Variants in RP1 observed in about 807,000 individuals in gnomAD.
RP1 encodes the protein RP1 axonemal microtubule associated, also known as oxygen-regulated protein 1.
Under a neutral mutation model 14.8 loss-of-function variants are expected in RP1, and 16 were observed. The ratio of observed to expected loss-of-function variants is 1.08; its 90% CI spans 0.73 to 1.65. RP1 has a LOEUF of 1.65. RP1 is among the 40% of genes most tolerant of loss of function. The pLI, the probability that RP1 is intolerant of heterozygous loss-of-function variation, is 0.00. For missense variants in RP1, 2,631 were observed against 2,535.0 expected (o/e 1.04, Z -0.81); for synonymous variants, 876 against 883.6 (o/e 0.99, Z 0.15).
chr8:54,669,471 A>G (rs2375538), intron 7 of RP1, among the ~76,000 whole-genome samples: 33,518 of 152,178 alleles, frequency 0.22, 4,275 homozygotes, highest in East Asian at 0.42. Flanking sequence ...CAGTGTGGCG[A>G]TTCCTCAAGG....
chr8:54,636,632 G>A (rs1806351647), intron 3 of RP1, among the ~76,000 whole-genome samples: 1 of 152,102 alleles, frequency 6.6e-6, no homozygotes, highest in Admixed American at 6.5e-5. Flanking sequence ...TAGCTACTCG[G>A]GAGGCTGAGG....
chr8:54,814,995 C>T (rs545880175), intron 24 of RP1, among the ~76,000 whole-genome samples: 3 of 152,158 alleles, frequency 2.0e-5, no homozygotes, highest in Non-Finnish European at 2.9e-5. Context: ...GGTGACAAAG[C>T]GAGACTCCGT....
intron 24 of RP1, among the ~76,000 whole-genome samples, chr8:54,809,337 G>T (rs1810933581): frequency 6.6e-6 from 1 of 152,156 alleles, no homozygotes; most frequent in Admixed American, 6.5e-5. Flanking sequence ...GTTGGTATCT[G>T]TGGGAGTTAT....
chr8:54,658,072 A>G (rs1469309657), intron 6 of RP1, among the ~76,000 whole-genome samples: 1 of 151,988 alleles, frequency 6.6e-6, no homozygotes, highest in Non-Finnish European at 1.5e-5. Context: ...ATTCCCCCCA[A>G]TCCCCATCCT....
At chr8:54,613,993 C>T (rs446102), upstream of RP1, among the ~76,000 whole-genome samples, 56,058 of 152,060 alleles carry the variant, frequency 0.37, 11,612 homozygotes, top group East Asian at 0.64. Context: ...TGTCCATTTA[C>T]TGAACACTTG....
chr8:54,679,366 T>C, intron 9 of RP1: 1 of 1,426,296 alleles, frequency 7.0e-7, no homozygotes, highest in Non-Finnish European at 9.5e-7. Flanking sequence ...TAATTGCCAA[T>C]GGTTAATGTA....
chr8:54,718,496 A>C (rs1185421928), intron 15 of RP1, among the ~76,000 whole-genome samples: 1 of 152,236 alleles, frequency 6.6e-6, no homozygotes, highest in African/African-American at 2.4e-5. Context: ...ATGGTACTGG[A>C]ACAATTGGAT....
At chr8:54,720,849 T>C (rs1488109502) in intron 16 of RP1, among the ~76,000 whole-genome samples, 1 of 152,196 alleles carries the variant, frequency 6.6e-6, no homozygotes, top group Non-Finnish European at 1.5e-5. Flanking sequence ...TATGAGGACA[T>C]TATTTAAACA....
In RP1 at chr8:54,627,867, A is replaced by G. The variant is rs1806116014; in HGVS notation, c.3985A>G (p.Ile1329Val). 2.5e-6 allele frequency: 4 copies of G among 1,614,154 alleles called. No individual in the cohort carries two copies. Among genetic ancestry groups the G allele is most frequent in the South Asian group, 2.2e-5 (2 of 91,088 alleles). Residue 1329 changes from isoleucine (I) to valine (V), a missense_variant, in exon 4 of 4, where the codon ATT becomes GTT. Ile to Val is a conservative substitution (Grantham distance 29). Transcript: ENST00000220676. Reference sequence around the variant, plus strand: ...CCATACCTATGAGGGAGCTTGCCCAATTGATGAGACCTACGTTCCTGTCAA... The same window carrying G: ...CCATACCTATGAGGGAGCTTGCCCAGTTGATGAGACCTACGTTCCTGTCAA... ...ENHTYEGACPIDETYVPVNVC... is the reference protein window; with the variant it reads ...ENHTYEGACPVDETYVPVNVC...
intron 24 of RP1, among the ~76,000 whole-genome samples, chr8:54,829,573 A>C (rs1018501910): frequency 7.9e-5 from 12 of 152,178 alleles, no homozygotes; most frequent in African/African-American, 2.4e-4. Context: ...GGAATTACAT[A>C]ATCAGGGTTC....
intron 27 of RP1, among the ~76,000 whole-genome samples, chr8:54,864,197 AGGT>A (rs980794203): frequency 6.6e-6 from 1 of 152,190 alleles, no homozygotes; most frequent in African/African-American, 2.4e-5. Context: ...TGGATGAGGA[AGGT>A]GGTGGTGACA....
intron 17 of RP1, among the ~76,000 whole-genome samples, chr8:54,734,027 T>C (rs570778946): frequency 6.6e-6 from 1 of 152,302 alleles, no homozygotes; most frequent in South Asian, 2.1e-4. Context: ...AAATTCTCTC[T>C]TTAGTTCCAA....
intron 24 of RP1, among the ~76,000 whole-genome samples, chr8:54,813,174 A>G (rs1371667144): frequency 6.6e-6 from 1 of 152,260 alleles, no homozygotes; most frequent in Non-Finnish European, 1.5e-5. Flanking sequence ...GTCTAGTAAC[A>G]GTAGCCAATC....
chr8:54,719,312 C>A (rs558351814), intron 15 of RP1, among the ~76,000 whole-genome samples: 84 of 152,156 alleles, frequency 5.5e-4, no homozygotes, highest in Admixed American at 1.2e-3. Context: ...AGAACAAGAA[C>A]AGAAGATAGA....
In RP1 at chr8:54,626,815, T is replaced by C. The variant is rs759501646; in HGVS notation, c.2933T>C (p.Ile978Thr). Residue 978 changes from isoleucine to threonine, a missense_variant, in exon 4 of 4, where the codon ATT becomes ACT. Coordinates refer to ENST00000220676, the MANE Select transcript of RP1 (RefSeq NM_006269.2). ...VMESNKHITK[I>T]AGLTGDNLCK... ...GAAAGTAATAAGCACATAACTAAAA[T>C]TGCCGGTTTGACAGGAGATAATCTA... 10 of 1,613,712 alleles carry C rather than the reference T, an allele frequency of 6.2e-6. No individual in the cohort carries two copies. In the Admixed American group the frequency reaches 1.7e-4, roughly 27 times the overall value.
intron 27 of RP1, among the ~76,000 whole-genome samples, chr8:54,864,857 A>G (rs571149043): frequency 2.4e-3 from 370 of 152,226 alleles, no homozygotes; most frequent in African/African-American, 8.4e-3. Flanking sequence ...ATCCACATGA[A>G]TTTTATTACC....
chr8:54,614,809 A>G (rs909065703), upstream of RP1, among the ~76,000 whole-genome samples: 3 of 152,176 alleles, frequency 2.0e-5, no homozygotes, highest in African/African-American at 4.8e-5. Context: ...CCCACCTTTG[A>G]TAAGTGAGTC....
intron 19 of RP1, among the ~76,000 whole-genome samples, chr8:54,747,640 C>T (rs1170157770): frequency 1.3e-5 from 2 of 152,202 alleles, no homozygotes; most frequent in South Asian, 2.1e-4. Flanking sequence ...TTGGCTCATG[C>T]CTGTAATCCC....
chr8:54,845,915 T>C (rs561003662), intron 25 of RP1, among the ~76,000 whole-genome samples: 1 of 152,200 alleles, frequency 6.6e-6, no homozygotes, highest in South Asian at 2.1e-4. Flanking sequence ...CTGGTCCTAA[T>C]GTTCTATGCA....
Sources: allele counts gnomAD v4.1 joint callset (sites outside exome capture counted in the v4.1 genomes callset), GRCh38; gene constraint gnomAD v4.1.1; transcripts MANE v1.5; gene names NCBI Gene and HGNC (gene_info 2026-07-23, HGNC 2026-07-21).